The following VPS50 variants were observed in gnomAD, a reference collection of about 807,000 sequenced individuals.
VPS50 encodes the protein syndetin.
Under a neutral mutation model 139.7 loss-of-function variants are expected in VPS50, and 70 were observed. The observed-to-expected ratio is 0.50, with a 90% CI of 0.41 to 0.61. The LOEUF (loss-of-function observed/expected upper bound fraction) is 0.61. Ranked by LOEUF, VPS50 falls within the 20% of genes least tolerant of loss-of-function variation. The pLI is 0.00. For synonymous variants in VPS50, 365 were observed against 376.7 expected (o/e 0.97, Z 0.36); for missense variants, 921 against 1,133.7 (o/e 0.81, Z 2.69).
rs1252010256 is a variant in VPS50 at position 93,305,930 on chromosome 7, A to G, written c.1555A>G (p.Ser519Gly). ...AGTGACCTTGTTTGAGCAGTACTGTAGTGGTGGGAATCCATTTGAAATTCA... is the reference window on the plus strand; with the variant it reads ...AGTGACCTTGTTTGAGCAGTACTGTGGTGGTGGGAATCCATTTGAAATTCA... ...KTVTLFEQYC[S>G]GGNPFEIQAN... is the part of the protein sequence containing the mutation. Residue 519 changes from serine to glycine, a missense_variant, in exon 18 of 28, where the codon AGT becomes GGT. Ser to Gly is a moderately conservative substitution (Grantham distance 56). Coordinates refer to ENST00000305866, the MANE Select transcript of VPS50 (RefSeq NM_017667.4). 1 of 1,612,136 alleles carries G rather than the reference A, an allele frequency of 6.2e-7. No homozygotes were observed. The highest frequency in any genetic ancestry group is 1.3e-5 in the African/African-American group (1 of 74,858).
intron 11 of VPS50, among the ~76,000 whole-genome samples, chr7:93,274,431 T>C (rs928464056): frequency 6.6e-6 from 1 of 152,086 alleles, no homozygotes; most frequent in Non-Finnish European, 1.5e-5. Flanking sequence ...TTATGCTAAA[T>C]CTACTCTGCC....
rs534739555 is a variant in VPS50 at position 93,342,406 on chromosome 7, C to T, written c.2207+831C>T. On this transcript the variant is annotated intron_variant, in intron 23 of 27. Coordinates refer to ENST00000305866, the MANE Select transcript of VPS50 (RefSeq NM_017667.4). ...GGCGGCAGTGACGCTGGGGGAGGGG[C>T]ACCCGCCATTGCCCAGGCTTGCTTA... is the stretch of plus-strand genomic sequence containing the variant. Among the ~76,000 whole-genome samples the T allele has an allele frequency of 1.4e-4, 22 of 152,310 alleles. No homozygotes were observed. In the East Asian group the frequency reaches 1.5e-3, roughly 11 times the overall value.
rs1196417364 is a variant in VPS50 at position 93,358,168 on chromosome 7, A to G, written c.2776-149A>G. The G allele has an allele frequency of 1.8e-5, 12 of 683,706 alleles. No homozygotes were observed. In the Admixed American group the frequency reaches 2.7e-4, roughly 15 times the overall value. The allele number at this position is 683,706 out of a possible 1,614,324, so 42.4% of individuals were successfully genotyped here. A position where few individuals can be genotyped will look rare whatever the true frequency, so the allele number is the denominator to read the frequency against. On this transcript the variant is annotated intron_variant, in intron 27 of 27. Transcript: ENST00000305866. Reference sequence around the variant, plus strand: ...CAGCTCAGTAAACAATTTGCCTTCCATGTCCCAACTGTAATTTCCACTGTT... The same window carrying G: ...CAGCTCAGTAAACAATTTGCCTTCCGTGTCCCAACTGTAATTTCCACTGTT...
chr7:93,274,030 G>A (rs1015043533), intron 11 of VPS50, among the ~76,000 whole-genome samples: 1 of 152,070 alleles, frequency 6.6e-6, no homozygotes, highest in African/African-American at 2.4e-5. Context: ...ATTCACAAAT[G>A]TGTGTGTTCT....
intron 12 of VPS50, among the ~76,000 whole-genome samples, chr7:93,284,311 G>A (rs980090155): frequency 5.9e-5 from 9 of 152,192 alleles, no homozygotes; most frequent in African/African-American, 1.7e-4. Flanking sequence ...CTCAGGCAGC[G>A]TGAGGGTTAA....
At chr7:93,331,174 G>A (rs1319361855) in intron 21 of VPS50, among the ~76,000 whole-genome samples, 1 of 150,632 alleles carries the variant, frequency 6.6e-6, no homozygotes, top group East Asian at 1.9e-4. Context: ...TATTGTAAAG[G>A]TGGCAGTCTT....
chr7:93,278,820 C>A (rs908293191), intron 12 of VPS50, among the ~76,000 whole-genome samples: 6 of 151,404 alleles, frequency 4.0e-5, no homozygotes, highest in African/African-American at 1.5e-4. Context: ...TACACACACA[C>A]GTATATGTAT....
chr7:93,349,524 T>C (rs944716536), intron 24 of VPS50, among the ~76,000 whole-genome samples: 7 of 152,132 alleles, frequency 4.6e-5, no homozygotes, highest in African/African-American at 1.7e-4. Flanking sequence ...TGAAGGCTGC[T>C]GCAGTATTGC....
At chr7:93,324,653 T>A (rs1797716473) in intron 21 of VPS50, among the ~76,000 whole-genome samples, 1 of 152,004 alleles carries the variant, frequency 6.6e-6, no homozygotes, top group South Asian at 2.1e-4. Context: ...CCAATAACAG[T>A]CAAACAGAGA....
intron 9 of VPS50, 178 bp from the exon 10 acceptor site, chr7:93,271,040 CTT>C: frequency 1.1e-6 from 1 of 946,888 alleles, no homozygotes; most frequent in East Asian, 3.7e-5. Context: ...GCTAATGACT[CTT>C]ATTCCCTTCT....
chr7:93,334,645 G>A (rs1236958984), intron 22 of VPS50, among the ~76,000 whole-genome samples: 2 of 152,184 alleles, frequency 1.3e-5, no homozygotes, highest in Non-Finnish European at 2.9e-5. Flanking sequence ...AGGTTGCAGA[G>A]AGTGTCTGGG....
At chr7:93,242,316 T>C (rs1004790458) in intron 2 of VPS50, among the ~76,000 whole-genome samples, 4 of 151,734 alleles carry the variant, frequency 2.6e-5, no homozygotes, top group African/African-American at 9.7e-5. Context: ...ATTATAATAC[T>C]GTGAAGGAAA....
chr7:93,291,866 AT>A, intron 13 of VPS50, 31 bp downstream of exon 13: 1 of 1,460,532 alleles, frequency 6.8e-7, no homozygotes, highest in South Asian at 1.3e-5. Flanking sequence ...TATTTTAAAA[AT>A]TGAACTATAA....
chr7:93,271,146 C>T (rs1448052193), intron 9 of VPS50, 74 bp from the exon 10 acceptor site: 11 of 1,513,178 alleles, frequency 7.3e-6, no homozygotes, highest in Non-Finnish European at 8.8e-6. Flanking sequence ...ATTAATTATT[C>T]AGTTAGTATG....
Position 93,252,756 on chromosome 7 carries a change from T to C in VPS50, c.206T>C (p.Ile69Thr). 1 of 1,588,358 alleles carries C rather than the reference T, an allele frequency of 6.3e-7. No individual in the cohort carries two copies. Among genetic ancestry groups the C allele is most frequent in the Non-Finnish European group, 8.6e-7 (1 of 1,162,650 alleles). ...TATTTTTCTGTGGATTCATTTGATATTGTTAAATATGAGCTGGAGGTAAAC... is the reference window on the plus strand; with the variant it reads ...TATTTTTCTGTGGATTCATTTGATACTGTTAAATATGAGCTGGAGGTAAAC... ...QVYFSVDSFD[I>T]VKYELEKLPP... The change falls in exon 3 of 28, where the codon ATT becomes ACT. Residue 69 changes from isoleucine (I) to threonine (T), a missense_variant. Physicochemically the swap from Ile to Thr is moderately conservative, Grantham distance 89. Around this residue, in one of 3 missense-constraint regions of VPS50, gnomAD observed 744 missense variants for 930.6 expected, o/e 0.80. Transcript: ENST00000305866.
At chr7:93,318,908 G>C (rs754070014) in intron 20 of VPS50, among the ~76,000 whole-genome samples, 2 of 151,896 alleles carry the variant, frequency 1.3e-5, no homozygotes, top group Non-Finnish European at 2.9e-5. Flanking sequence ...GTTTAATAGA[G>C]TAAAATAAAA....
intron 18 of VPS50, among the ~76,000 whole-genome samples, chr7:93,308,230 G>C (rs1209041474): frequency 6.6e-6 from 1 of 151,776 alleles, no homozygotes; most frequent in Non-Finnish European, 1.5e-5. Flanking sequence ...GGGCCATGGT[G>C]CCATAAAGAT....
rs1357788293 is a variant in VPS50 at position 93,358,425 on chromosome 7, C to A, written c.2884C>A (p.Pro962Thr). The A allele has an allele frequency of 6.2e-7, 1 of 1,610,904 alleles. No homozygotes were observed. The highest frequency in any genetic ancestry group is 8.5e-7 in the Non-Finnish European group (1 of 1,177,578). Residue 962 changes from proline to threonine, a missense_variant, in exon 28 of 28, where the codon CCT (proline) becomes ACT (threonine). By Grantham distance (38) the Pro-to-Thr change is conservative. Transcript: ENST00000305866. ...AGCAGCTATAGATGATATAGACAGACCTAAAAGATAATGAACACAGCTCTC... is the reference window on the plus strand; with the variant it reads ...AGCAGCTATAGATGATATAGACAGAACTAAAAGATAATGAACACAGCTCTC... ...LLAAIDDIDR[P>T]KR is the part of the protein sequence containing the mutation.
At chr7:93,255,515 C>T (rs1487869386) in intron 4 of VPS50, among the ~76,000 whole-genome samples, 1 of 152,142 alleles carries the variant, frequency 6.6e-6, no homozygotes, top group Admixed American at 6.5e-5. Context: ...CCACAGGCCA[C>T]GGACCAGTAC....
Sources: allele counts gnomAD v4.1 joint callset (sites outside exome capture counted in the v4.1 genomes callset), GRCh38; gene constraint gnomAD v4.1.1; regional missense constraint gnomAD v4.1.1; transcripts MANE v1.5; gene names NCBI Gene and HGNC (gene_info 2026-07-23, HGNC 2026-07-21).